SOS2: variants seen among roughly 807,000 people sequenced by gnomAD.
SOS2 encodes son of sevenless homolog 2.
In SOS2, 65 loss-of-function variants were observed where a neutral mutation model predicts 148.2. That is an observed-to-expected ratio of 0.44 (90% CI 0.36 to 0.54). The LOEUF is 0.54. SOS2 is among the 20% of genes least tolerant of loss of function. The pLI is 0.00. For missense variants in SOS2, 1,341 were observed against 1,590.2 expected (o/e 0.84, Z 2.67); for synonymous variants, 539 against 537.1 (o/e 1.00, Z -0.05).
chr14:50,179,539 A>C (rs1241355740), intron 7 of SOS2, among the ~76,000 whole-genome samples: 1 of 151,924 alleles, frequency 6.6e-6, no homozygotes, highest in Non-Finnish European at 1.5e-5. Context: ...CTAAGTTTTT[A>C]TATTTTGTAG....
chr14:50,190,492 G>A (rs1886093569), intron 4 of SOS2, among the ~76,000 whole-genome samples: 1 of 152,012 alleles, frequency 6.6e-6, no homozygotes, highest in Non-Finnish European at 1.5e-5. Flanking sequence ...TTTAAATCTG[G>A]TCAGCTCTCT....
intron 16 of SOS2, among the ~76,000 whole-genome samples, chr14:50,142,806 G>A (rs1321686470): frequency 6.6e-6 from 1 of 152,128 alleles, no homozygotes; most frequent in East Asian, 1.9e-4. Flanking sequence ...ATACTCTGGT[G>A]TGTTTATTTC....
In SOS2 at chr14:50,129,954, T is replaced by C. The variant is rs762654664; in HGVS notation, c.3379+7A>G. The C allele has an allele frequency of 3.2e-6, 5 of 1,545,604 alleles. No homozygotes were observed. The highest frequency in any genetic ancestry group is 1.7e-4 in the Middle Eastern group (1 of 5,928). On this transcript the variant is annotated splice_region_variant and intron_variant, in intron 21 of 22. Coordinates refer to ENST00000216373, the MANE Select transcript of SOS2 (RefSeq NM_006939.4). ...TTTCATTAAGAATCAACTTAAATTATACTTACTTGAATGTGGCAAAAGCAC... is the reference window on the plus strand; with the variant it reads ...TTTCATTAAGAATCAACTTAAATTACACTTACTTGAATGTGGCAAAAGCAC...
Position 50,215,068 on chromosome 14 carries a change from C to T in SOS2, c.88-10659G>A, listed in dbSNP as rs1887005106. Among the ~76,000 whole-genome samples the T allele has an allele frequency of 2.0e-5, 3 of 151,664 alleles. No individual in the cohort carries two copies. In the South Asian group the frequency reaches 6.2e-4, roughly 32 times the overall value. Reference sequence around the variant, plus strand: ...ATCTAGGATGGTTTTGATCTCCTGACCTCGTGATCTGCCCGCCTCGTCCTC... The same window carrying T: ...ATCTAGGATGGTTTTGATCTCCTGATCTCGTGATCTGCCCGCCTCGTCCTC... On this transcript the variant is annotated intron_variant, in intron 1 of 22. Coordinates refer to ENST00000216373, the MANE Select transcript of SOS2 (RefSeq NM_006939.4).
At chr14:50,184,482 T>C (rs1885844331) in intron 5 of SOS2, among the ~76,000 whole-genome samples, 1 of 152,186 alleles carries the variant, frequency 6.6e-6, no homozygotes, top group African/African-American at 2.4e-5. Context: ...ACTGAGTTTA[T>C]GCTAATGAGG....
At chr14:50,214,659 T>C (rs1803984770) in intron 1 of SOS2, among the ~76,000 whole-genome samples, 1 of 151,696 alleles carries the variant, frequency 6.6e-6, no homozygotes, top group Admixed American at 6.6e-5. Flanking sequence ...TAAATAAACA[T>C]TTACATTGTA....
At chr14:50,130,276 G>T (rs1883823966) in intron 20 of SOS2, among the ~76,000 whole-genome samples, 1 of 152,126 alleles carries the variant, frequency 6.6e-6, no homozygotes, top group African/African-American at 2.4e-5. Flanking sequence ...GACCCAAAAG[G>T]TACTAAACAA....
chr14:50,128,875 C>G (rs1158428315), intron 21 of SOS2, among the ~76,000 whole-genome samples: 2 of 152,120 alleles, frequency 1.3e-5, no homozygotes, highest in African/African-American at 4.8e-5. Flanking sequence ...CTGCCTCAGC[C>G]TCCCAAAGTG....
chr14:50,196,793 G>T (rs534427654), intron 4 of SOS2, among the ~76,000 whole-genome samples: 82 of 152,242 alleles, frequency 5.4e-4, no homozygotes, highest in African/African-American at 1.9e-3. Context: ...AAGGGGAAAA[G>T]AAAATAAAGT....
At chr14:50,124,436 C>T (rs1280947835) in intron 21 of SOS2, among the ~76,000 whole-genome samples, 2 of 152,114 alleles carry the variant, frequency 1.3e-5, no homozygotes, top group Non-Finnish European at 2.9e-5. Flanking sequence ...TCTTGTTTGC[C>T]ACTGAATCTC....
At chr14:50,131,193 T>G (rs1386275889) in intron 19 of SOS2, among the ~76,000 whole-genome samples, 2 of 152,194 alleles carry the variant, frequency 1.3e-5, no homozygotes, top group Non-Finnish European at 2.9e-5. Flanking sequence ...AACCTCTACA[T>G]TGATGCTTTA....
chr14:50,195,117 A>G (rs1034831659), intron 4 of SOS2, among the ~76,000 whole-genome samples: 3 of 152,296 alleles, frequency 2.0e-5, no homozygotes, highest in Admixed American at 2.0e-4. Flanking sequence ...CAACAAGCAC[A>G]AGTTGGAGAA....
chr14:50,148,928 C>T (rs1422818983), intron 14 of SOS2, among the ~76,000 whole-genome samples: 1 of 152,176 alleles, frequency 6.6e-6, no homozygotes, highest in Non-Finnish European at 1.5e-5. Flanking sequence ...TAGGGTCTCA[C>T]TCTGTCACTC....
intron 8 of SOS2, among the ~76,000 whole-genome samples, chr14:50,172,575 C>T (rs1885403579): frequency 6.6e-6 from 1 of 151,746 alleles, no homozygotes; most frequent in African/African-American, 2.4e-5. Context: ...GCCATGTTGG[C>T]CAGACTGGTC....
chr14:50,196,276 T>G (rs1886306859), intron 4 of SOS2, among the ~76,000 whole-genome samples: 1 of 152,132 alleles, frequency 6.6e-6, no homozygotes, highest in South Asian at 2.1e-4. Context: ...AGTAAATTTT[T>G]TTGTCATTTC....
chr14:50,191,992 A>G (rs971636422), intron 4 of SOS2, among the ~76,000 whole-genome samples: 1 of 151,874 alleles, frequency 6.6e-6, no homozygotes, highest in Admixed American at 6.6e-5. Context: ...TTCTACAAAA[A>G]AATTTTAAAC....
chr14:50,164,255 C>A (rs1885101813), intron 8 of SOS2, among the ~76,000 whole-genome samples: 1 of 152,002 alleles, frequency 6.6e-6, no homozygotes, highest in Non-Finnish European at 1.5e-5. Flanking sequence ...AGCCTGACCA[C>A]ACGGAGAAAC....
intron 8 of SOS2, among the ~76,000 whole-genome samples, chr14:50,174,049 A>G (rs949701956): frequency 1.3e-5 from 2 of 152,174 alleles, no homozygotes; most frequent in South Asian, 4.1e-4. Context: ...GTCATTGACT[A>G]TAATGGCCTG....
At chr14:50,133,242 CT>C (rs753590435) in intron 19 of SOS2, among the ~76,000 whole-genome samples, 1 of 78,816 alleles carries the variant, frequency 1.3e-5, no homozygotes, top group African/African-American at 4.7e-5. Context: ...TTTCTTTTTT[CT>C]TTTTTCTTTT....
Sources: gnomAD v4.1 joint callset for allele counts (sites outside exome capture counted in the v4.1 genomes callset) on GRCh38, gnomAD v4.1.1 for gene constraint, MANE v1.5 for transcripts, NCBI Gene and HGNC (gene_info 2026-07-23, HGNC 2026-07-21) for gene names.